Variants in F13A1 observed in about 807,000 individuals in gnomAD.
The protein encoded by F13A1 is coagulation factor XIII A chain, also known as FSF, A subunit.
F13A1 carries 47 observed loss-of-function variants against 80.1 expected under a neutral mutation model. That is an observed-to-expected ratio of 0.59 (90% CI 0.46 to 0.75). F13A1 has a LOEUF of 0.75. Ranked by LOEUF, F13A1 falls within the 30% of genes least tolerant of loss-of-function variation. The pLI, the probability that F13A1 is intolerant of heterozygous loss-of-function variation, is 0.00. For missense variants in F13A1, 817 were observed against 930.4 expected (o/e 0.88, Z 1.59); for synonymous variants, 349 against 344.9 (o/e 1.01, Z -0.13).
chr6:6,178,587 C>A (rs1461901035), intron 11 of F13A1, among the ~76,000 whole-genome samples: 3 of 151,976 alleles, frequency 2.0e-5, no homozygotes, highest in Non-Finnish European at 2.9e-5. Flanking sequence ...GAGACACAGA[C>A]ATGGGGTGAT....
chr6:6,293,227 C>A (rs942240842), intron 3 of F13A1, among the ~76,000 whole-genome samples: 1 of 152,070 alleles, frequency 6.6e-6, no homozygotes, highest in Non-Finnish European at 1.5e-5. Flanking sequence ...GGGAGTGAAA[C>A]CTCTGCCGTT....
At chr6:6,317,439 C>G (rs539606037) in intron 2 of F13A1, among the ~76,000 whole-genome samples, 3 of 152,126 alleles carry the variant, frequency 2.0e-5, no homozygotes, top group Non-Finnish European at 4.4e-5. Flanking sequence ...CCCTTCTGTT[C>G]TGTGAACTTC....
intron 4 of F13A1, among the ~76,000 whole-genome samples, chr6:6,264,808 T>C (rs546251526): frequency 6.6e-6 from 1 of 152,352 alleles, no homozygotes; most frequent in East Asian, 1.9e-4. Flanking sequence ...CAAGAGTTCA[T>C]TTTTTGAACT....
chr6:6,271,112 G>T (rs1757914358), intron 3 of F13A1, among the ~76,000 whole-genome samples: 1 of 152,212 alleles, frequency 6.6e-6, no homozygotes, highest in Admixed American at 6.5e-5. Flanking sequence ...GAAGGAAAAA[G>T]AATCCTGATT....
At chr6:6,147,544 A>C (rs567778287) in intron 14 of F13A1, among the ~76,000 whole-genome samples, 1 of 152,284 alleles carries the variant, frequency 6.6e-6, no homozygotes, top group South Asian at 2.1e-4. Flanking sequence ...TTATTTCTCA[A>C]CAGCTGTGCT....
intron 8 of F13A1, among the ~76,000 whole-genome samples, chr6:6,221,193 A>C (rs998037014): frequency 6.6e-5 from 10 of 152,092 alleles, no homozygotes; most frequent in African/African-American, 9.7e-5. Context: ...TTCCTACTTA[A>C]ACTCTTAGGA....
chr6:6,260,429 T>C (rs554854525), intron 4 of F13A1, among the ~76,000 whole-genome samples: 1 of 152,322 alleles, frequency 6.6e-6, no homozygotes, highest in African/African-American at 2.4e-5. Flanking sequence ...TTTTCCTTCT[T>C]ATCTTCTGCT....
intron 3 of F13A1, among the ~76,000 whole-genome samples, chr6:6,284,749 G>A (rs759059958): frequency 4.6e-5 from 7 of 152,222 alleles, no homozygotes; most frequent in East Asian, 1.9e-4. Flanking sequence ...CAAGAATGCC[G>A]TCCTCCTTGC....
At chr6:6,206,321 TA>T in intron 8 of F13A1, 1 of 366,504 alleles carries the variant, frequency 2.7e-6, no homozygotes, top group South Asian at 2.1e-5. Flanking sequence ...CTAATTACTT[TA>T]AAACTAGTAA....
chr6:6,303,991 T>G (rs771467352), intron 3 of F13A1, among the ~76,000 whole-genome samples: 55 of 152,186 alleles, frequency 3.6e-4, no homozygotes, highest in Non-Finnish European at 7.4e-5. Context: ...TACACAATCA[T>G]AGTATTAGCA....
intron 3 of F13A1, among the ~76,000 whole-genome samples, chr6:6,303,852 A>G (rs933657498): frequency 6.6e-6 from 1 of 151,984 alleles, no homozygotes; most frequent in African/African-American, 2.4e-5. Flanking sequence ...TTTTATGTCT[A>G]TTTCTGGGTG....
chr6:6,294,004 TAA>T (rs1377177756), intron 3 of F13A1, among the ~76,000 whole-genome samples: 5 of 152,174 alleles, frequency 3.3e-5, no homozygotes, highest in Non-Finnish European at 7.3e-5. Context: ...CAACTAAGTA[TAA>T]AGTTATTTTT....
intron 4 of F13A1, among the ~76,000 whole-genome samples, chr6:6,265,805 G>T (rs944386387): frequency 2.0e-5 from 3 of 152,296 alleles, no homozygotes; most frequent in Non-Finnish European, 4.4e-5. Flanking sequence ...ACTATGAACA[G>T]CGTCGACTTT....
At chr6:6,219,963 G>C (rs1456916886) in intron 8 of F13A1, among the ~76,000 whole-genome samples, 1 of 152,194 alleles carries the variant, frequency 6.6e-6, no homozygotes, top group East Asian at 1.9e-4. Flanking sequence ...TCTGTGATGA[G>C]TGAAGCAGGG....
At chr6:6,251,021 A>C in intron 4 of F13A1, 92 bp from the exon 5 acceptor site, 1 of 1,016,474 alleles carries the variant, frequency 9.8e-7, no homozygotes, top group East Asian at 2.4e-5. Flanking sequence ...TTTCTAAACT[A>C]CATTTAATCA....
At chr6:6,228,292 A>T (rs1757303414) in intron 6 of F13A1, among the ~76,000 whole-genome samples, 1 of 152,180 alleles carries the variant, frequency 6.6e-6, no homozygotes, top group Non-Finnish European at 1.5e-5. Context: ...AATGCAATAA[A>T]CTTCAAAACA....
intron 3 of F13A1, among the ~76,000 whole-genome samples, chr6:6,271,872 C>A (rs1000491553): frequency 6.6e-6 from 1 of 152,250 alleles, no homozygotes; most frequent in Non-Finnish European, 1.5e-5. Context: ...GAGGGCCTCA[C>A]TCTCCTTACA....
intron 14 of F13A1, among the ~76,000 whole-genome samples, chr6:6,151,497 C>T (rs1414697918): frequency 6.6e-6 from 1 of 152,210 alleles, no homozygotes; most frequent in East Asian, 1.9e-4. Flanking sequence ...GAGTCTGAAT[C>T]TTGGCTCTGT....
At chr6:6,172,739 G>A (rs1043988196) in intron 12 of F13A1, among the ~76,000 whole-genome samples, 6 of 152,140 alleles carry the variant, frequency 3.9e-5, no homozygotes, top group African/African-American at 1.4e-4. Context: ...GAGCCACCAT[G>A]CCTGGCCCCA....
Sources: allele counts gnomAD v4.1 joint callset (sites outside exome capture counted in the v4.1 genomes callset), GRCh38; gene constraint gnomAD v4.1.1; transcripts MANE v1.5; gene names NCBI Gene and HGNC (gene_info 2026-07-23, HGNC 2026-07-21).